Variants in RAPGEF5 observed in about 807,000 individuals in gnomAD.
RAPGEF5 encodes the protein M-Ras-regulated GEF.
In RAPGEF5, 65 loss-of-function variants were observed where a neutral mutation model predicts 125.2. The observed-to-expected ratio is 0.52, with a 90% CI of 0.43 to 0.64. RAPGEF5 has a LOEUF of 0.64. Ranked by LOEUF, RAPGEF5 falls within the 30% of genes least tolerant of loss-of-function variation. The pLI is 0.00. For missense variants in RAPGEF5, 958 were observed against 1,048.1 expected, an observed-to-expected ratio of 0.91 and a Z score of 1.19; for synonymous variants, 391 against 385.9, an observed-to-expected ratio of 1.01 and a Z score of -0.16.
intron 6 of RAPGEF5, among the ~76,000 whole-genome samples, chr7:22,283,046 T>TATAC (rs1554273036): frequency 1.1e-4 from 17 of 148,358 alleles, no homozygotes; most frequent in Non-Finnish European, 2.5e-4. Context: ...TGTAAAAAAA[T>TATAC]ACACACACAC....
chr7:22,140,986 G>A (rs1405472941), intron 20 of RAPGEF5, among the ~76,000 whole-genome samples: 3 of 152,152 alleles, frequency 2.0e-5, no homozygotes, highest in African/African-American at 7.2e-5. Context: ...TAAGCAGAGC[G>A]TGTATCAGGG....
chr7:22,166,065 T>C, intron 12 of RAPGEF5, among the ~76,000 whole-genome samples: 1 of 146,746 alleles, frequency 6.8e-6, no homozygotes, highest in South Asian at 2.1e-4. Flanking sequence ...ATATATATTA[T>C]ATACATATAT....
Position 22,140,092 on chromosome 7 carries a change from T to C in RAPGEF5, c.2210A>G (p.Asn737Ser). The C allele has an allele frequency of 2.6e-6, 4 of 1,561,900 alleles. No homozygotes were observed. The highest frequency in any genetic ancestry group is 3.5e-6 in the Non-Finnish European group (4 of 1,152,646). The change falls in exon 21 of 26, where the codon AAT becomes AGT. Residue 737 changes from asparagine to serine, a missense_variant. Transcript: ENST00000665637. ...ACCCATCACAATGGCAAAGAAAGAA[T>C]TCAGGTTTCTCTGGGCTTTGCAGCT... ...AAHCKAQRNL[N>S]SFFAIVMGLN...
intron 9 of RAPGEF5, among the ~76,000 whole-genome samples, chr7:22,201,168 T>A (rs1456665894): frequency 6.6e-6 from 1 of 152,190 alleles, no homozygotes; most frequent in African/African-American, 2.4e-5. Context: ...GCTGGAGGCA[T>A]AAATGAGAAG....
intron 9 of RAPGEF5, among the ~76,000 whole-genome samples, chr7:22,209,167 TCAA>T (rs1406530846): frequency 1.3e-5 from 2 of 152,240 alleles, no homozygotes; most frequent in African/African-American, 4.8e-5. Flanking sequence ...ATTTAATAGT[TCAA>T]CAAGTCATGA....
chr7:22,300,231 T>C (rs1035412429), intron 5 of RAPGEF5, among the ~76,000 whole-genome samples: 2 of 152,246 alleles, frequency 1.3e-5, no homozygotes, highest in African/African-American at 4.8e-5. Flanking sequence ...TATTTTGCTA[T>C]TGAGCCAATT....
intron 7 of RAPGEF5, among the ~76,000 whole-genome samples, chr7:22,232,418 C>T (rs1164953790): frequency 2.6e-5 from 4 of 151,764 alleles, no homozygotes; most frequent in East Asian, 1.9e-4. Context: ...CGGGTTCAAG[C>T]GATTCTCCTG....
intron 7 of RAPGEF5, among the ~76,000 whole-genome samples, chr7:22,248,616 T>C (rs1202323569): frequency 6.6e-6 from 1 of 152,144 alleles, no homozygotes; most frequent in Non-Finnish European, 1.5e-5. Flanking sequence ...ATTGATAATC[T>C]CCTATTTCCT....
At chr7:22,309,897 G>C in intron 4 of RAPGEF5, 72 bp downstream of exon 4, 1 of 1,449,526 alleles carries the variant, frequency 6.9e-7, no homozygotes, top group Non-Finnish European at 9.1e-7. Context: ...ACATCCTCTA[G>C]AAAATCAAGT....
chr7:22,127,040 CTTTT>C (rs11460551), intron 24 of RAPGEF5, among the ~76,000 whole-genome samples: 4 of 132,844 alleles, frequency 3.0e-5, no homozygotes, highest in Admixed American at 1.5e-4. Flanking sequence ...CAAAAGTCTT[CTTTT>C]TTTTTTTTTT....
chr7:22,194,649 G>A (rs1360045068), intron 9 of RAPGEF5: 10 of 984,798 alleles, frequency 1.0e-5, no homozygotes, highest in Non-Finnish European at 1.2e-5. Flanking sequence ...CAGAATATAA[G>A]CAAAAATGGA....
intron 3 of RAPGEF5, among the ~76,000 whole-genome samples, chr7:22,312,501 G>A (rs1457262844): frequency 6.6e-6 from 1 of 152,050 alleles, no homozygotes; most frequent in Non-Finnish European, 1.5e-5. Context: ...GAGCCACCAC[G>A]CCTGGCCAGA....
At chr7:22,218,182 A>T (rs1356846335) in intron 9 of RAPGEF5, among the ~76,000 whole-genome samples, 1 of 152,138 alleles carries the variant, frequency 6.6e-6, no homozygotes, top group African/African-American at 2.4e-5. Context: ...AGATTTGAAG[A>T]GTATTATAAT....
chr7:22,305,103 C>T (rs1445343482), intron 5 of RAPGEF5, among the ~76,000 whole-genome samples: 1 of 152,210 alleles, frequency 6.6e-6, no homozygotes, highest in African/African-American at 2.4e-5. Flanking sequence ...AAGCCAGACA[C>T]ACACAGATTC....
chr7:22,355,982 G>C, intron 1 of RAPGEF5: 2 of 985,412 alleles, frequency 2.0e-6, no homozygotes, highest in Non-Finnish European at 2.4e-6. Context: ...ACCCACCAAA[G>C]GTGCCGCCAA....
intron 6 of RAPGEF5, among the ~76,000 whole-genome samples, chr7:22,289,149 C>T (rs951112579): frequency 2.6e-5 from 4 of 152,216 alleles, no homozygotes; most frequent in African/African-American, 7.2e-5. Flanking sequence ...TTATTCACCA[C>T]CTTTCTTTGT....
At chr7:22,239,422 A>C (rs960347285) in intron 7 of RAPGEF5, among the ~76,000 whole-genome samples, 1 of 152,132 alleles carries the variant, frequency 6.6e-6, no homozygotes, top group African/African-American at 2.4e-5. Flanking sequence ...CAGCCCAATA[A>C]ATCTACTGTG....
chr7:22,272,744 G>A (rs765590401), intron 6 of RAPGEF5, among the ~76,000 whole-genome samples: 4 of 151,938 alleles, frequency 2.6e-5, no homozygotes, highest in Non-Finnish European at 4.4e-5. Flanking sequence ...CTTAAGAACC[G>A]TACTTTTATT....
At chr7:22,311,066 C>G (rs187148618) in intron 3 of RAPGEF5, among the ~76,000 whole-genome samples, 1 of 152,156 alleles carries the variant, frequency 6.6e-6, no homozygotes, top group African/African-American at 2.4e-5. Context: ...TACTCTATCA[C>G]CCAGGGTGGA....
Sources: allele counts gnomAD v4.1 joint callset (sites outside exome capture counted in the v4.1 genomes callset), GRCh38; gene constraint gnomAD v4.1.1; transcripts MANE v1.5; gene names NCBI Gene and HGNC (gene_info 2026-07-23, HGNC 2026-07-21).